EMC7: variants seen among roughly 807,000 people sequenced by gnomAD.
EMC7 encodes the protein endoplasmic reticulum membrane protein complex subunit 7.
Under a neutral mutation model 24.4 loss-of-function variants are expected in EMC7, and 4 were observed. The observed-to-expected ratio is 0.16, with a 90% CI of 0.08 to 0.38. The LOEUF is 0.38. Ranked by LOEUF, EMC7 falls within the 10% of genes least tolerant of loss-of-function variation. The pLI, the probability that EMC7 is intolerant of heterozygous loss-of-function variation, is 1.00. For missense variants in EMC7, 221 were observed against 300.6 expected (o/e 0.74, Z 1.96); for synonymous variants, 106 against 112.0 (o/e 0.95, Z 0.34).
chr15:34,097,968 CA>C (rs34286000), intron 1 of EMC7, among the ~76,000 whole-genome samples: 41 of 125,658 alleles, frequency 3.3e-4, no homozygotes, highest in African/African-American at 5.0e-4. Flanking sequence ...GACTCCGTCT[CA>C]AAAAAAAAAA....
chr15:34,090,576 T>A, intron 2 of EMC7, 121 bp from the exon 3 acceptor site: 1 of 1,113,560 alleles, frequency 9.0e-7, no homozygotes, highest in Non-Finnish European at 1.2e-6. Flanking sequence ...CAAAATGCTT[T>A]AAAACCTAAA....
intron 1 of EMC7, among the ~76,000 whole-genome samples, chr15:34,099,021 T>C (rs904158379): frequency 1.3e-5 from 2 of 152,128 alleles, no homozygotes; most frequent in African/African-American, 4.8e-5. Context: ...AAAAAATATT[T>C]TTGAGAAAAC....
intron 4 of EMC7, among the ~76,000 whole-genome samples, chr15:34,085,124 A>G (rs1205777031): frequency 6.6e-6 from 1 of 152,178 alleles, no homozygotes; most frequent in Non-Finnish European, 1.5e-5. Context: ...CTATATATCA[A>G]GGTATCAGTA....
chr15:34,096,880 G>T (rs1391683212), intron 1 of EMC7, among the ~76,000 whole-genome samples: 2 of 151,378 alleles, frequency 1.3e-5, no homozygotes, highest in African/African-American at 4.8e-5. Flanking sequence ...CCAGCTACTC[G>T]GGAGACTGAG....
At chr15:34,084,679 C>G (rs1414690447) in intron 4 of EMC7, among the ~76,000 whole-genome samples, 193 bp from the exon 5 acceptor site, 2 of 151,860 alleles carry the variant, frequency 1.3e-5, no homozygotes, top group Non-Finnish European at 2.9e-5. Context: ...CTTTATACCA[C>G]TAGACATTTT....
intron 4 of EMC7, among the ~76,000 whole-genome samples, chr15:34,086,890 A>C (rs1178975342): frequency 2.0e-5 from 3 of 152,240 alleles, no homozygotes; most frequent in African/African-American, 7.2e-5. Context: ...GAAATATCAA[A>C]AACCTTTCTT....
At chr15:34,101,539 C>G (rs1473373597) in intron 1 of EMC7, 65 bp downstream of exon 1, 1 of 1,542,576 alleles carries the variant, frequency 6.5e-7, no homozygotes, top group African/African-American at 1.4e-5. Flanking sequence ...ACACTTAACT[C>G]TCCTGGTGGG....
chr15:34,095,988 T>C lies in EMC7; in HGVS notation c.263A>G (p.Asp88Gly). ...LKTDGSFVVH[D>G]IPSGSYVVEV... is the part of the protein sequence containing the mutation. The stretch of plus-strand genomic sequence containing the variant: ...CACTACATAAGATCCAGAAGGTATA[T>C]CATGAACCACAAAACTCCCATCTGT... Residue 88 changes from aspartate to glycine, a missense_variant, in exon 2 of 5, where the codon GAT (aspartate) becomes GGT (glycine). Physicochemically the swap from Asp to Gly is moderately conservative, Grantham distance 94. This residue lies in a region of EMC7 where 156 missense variants were observed against 177.1 expected (regional missense o/e 0.88). Coordinates refer to ENST00000256545, the MANE Select transcript of EMC7 (RefSeq NM_020154.3). 1 of 1,588,914 alleles carries C rather than the reference T, an allele frequency of 6.3e-7. No individual in the cohort carries two copies. The highest frequency in any genetic ancestry group is 8.6e-7 in the Non-Finnish European group (1 of 1,162,582).
chr15:34,097,906 T>C (rs901678328), intron 1 of EMC7, among the ~76,000 whole-genome samples: 2 of 151,454 alleles, frequency 1.3e-5, no homozygotes, highest in African/African-American at 2.4e-5. Flanking sequence ...GAGGCGGAAG[T>C]TGCAATGAGC....
Position 34,095,960 on chromosome 15 carries a change from T to G in EMC7, c.291A>C (p.Glu97Asp), listed in dbSNP as rs1266791664. ...HDIPSGSYVVEVVSPAYRFDP... is the reference protein window; with the variant it reads ...HDIPSGSYVVDVVSPAYRFDP... ...CAAATCTGTAAGCTGGAGATACAAC[T>G]TCCACTACATAAGATCCAGAAGGTA... The change falls in exon 2 of 5, where the codon GAA becomes GAC. Residue 97 changes from glutamate to aspartate, a missense_variant. Coordinates refer to ENST00000256545, the MANE Select transcript of EMC7 (RefSeq NM_020154.3). 2 of 1,610,902 alleles carry G rather than the reference T, an allele frequency of 1.2e-6. No homozygotes were observed. The highest frequency in any genetic ancestry group is 2.2e-5 in the East Asian group (1 of 44,844).
intron 2 of EMC7, among the ~76,000 whole-genome samples, chr15:34,093,823 A>ATATATATATATT (rs1190830993): frequency 7.2e-4 from 35 of 48,696 alleles, no homozygotes; most frequent in Non-Finnish European, 9.0e-4. Context: ...ATATATATAT[A>ATATATATATATT]TTTTTTTTTT....
At chr15:34,093,823 A>ATATATATATATTTTTTTT (rs1190830993) in intron 2 of EMC7, among the ~76,000 whole-genome samples, 4 of 48,698 alleles carry the variant, frequency 8.2e-5, no homozygotes, top group African/African-American at 2.2e-4. Flanking sequence ...ATATATATAT[A>ATATATATATATTTTTTTT]TTTTTTTTTT....
intron 3 of EMC7, 76 bp from the exon 4 acceptor site, chr15:34,088,209 C>A: frequency 8.2e-7 from 1 of 1,226,200 alleles, no homozygotes; most frequent in Non-Finnish European, 1.2e-6. Context: ...ACTTAACAAC[C>A]AATGGTAAAA....
intron 2 of EMC7, among the ~76,000 whole-genome samples, chr15:34,090,977 T>C (rs2140868782): frequency 6.6e-6 from 1 of 152,352 alleles, no homozygotes; most frequent in Non-Finnish European, 1.5e-5. Flanking sequence ...AAAGACGCAC[T>C]AATTTTAATC....
intron 1 of EMC7, among the ~76,000 whole-genome samples, chr15:34,098,757 C>T (rs1262671004): frequency 6.6e-6 from 1 of 151,596 alleles, no homozygotes; most frequent in African/African-American, 2.4e-5. Context: ...GTATGAGCCA[C>T]CGTACCCAGC....
In EMC7 at chr15:34,090,824, A is replaced by G. The variant is rs7183277; in HGVS notation, c.357-369T>C. Among the ~76,000 whole-genome samples the G allele has an allele frequency of 5.1e-4, 78 of 152,372 alleles. 1 individual carries two copies. The highest frequency in any genetic ancestry group is 1.8e-3 in the African/African-American group (75 of 41,584). ...TAATGAATTTACTTCATTATACCAT[A>G]CAAAAATACTGGATTTTATTTTTTT... On this transcript the variant is annotated intron_variant, in intron 2 of 4. Coordinates refer to ENST00000256545, the MANE Select transcript of EMC7 (RefSeq NM_020154.3).
Position 34,084,414 on chromosome 15 carries a change from G to C in EMC7, c.649C>G (p.Leu217Val). ...TTGCCAGATGATTTTGAAGAGAAGA[G>C]TCTTGTCATGAACTCAGAAACATCA... ...LPDVSEFMTR[L>V]FSSKSSGKSS... The change falls in exon 5 of 5, where the codon CTC becomes GTC. Residue 217 changes from leucine (L) to valine (V), a missense_variant. Physicochemically the swap from Leu to Val is conservative, Grantham distance 32. Coordinates refer to ENST00000256545, the MANE Select transcript of EMC7 (RefSeq NM_020154.3). 1 of 1,613,804 alleles carries C rather than the reference G, an allele frequency of 6.2e-7. No individual in the cohort carries two copies. Among genetic ancestry groups the C allele is most frequent in the Non-Finnish European group, 8.5e-7 (1 of 1,179,786 alleles).
chr15:34,092,999 C>A (rs2140869710), intron 2 of EMC7, among the ~76,000 whole-genome samples: 1 of 152,308 alleles, frequency 6.6e-6, no homozygotes, highest in Admixed American at 6.5e-5. Flanking sequence ...TCACCTAATA[C>A]AAAGCCCACT....
At chr15:34,092,541 G>A (rs1397850034) in intron 2 of EMC7, among the ~76,000 whole-genome samples, 1 of 151,820 alleles carries the variant, frequency 6.6e-6, no homozygotes, top group African/African-American at 2.4e-5. Context: ...TAGAGATGGG[G>A]TTCATCATGT....
Sources: allele counts gnomAD v4.1 joint callset (sites outside exome capture counted in the v4.1 genomes callset), GRCh38; gene constraint gnomAD v4.1.1; regional missense constraint gnomAD v4.1.1; transcripts MANE v1.5; gene names NCBI Gene and HGNC (gene_info 2026-07-23, HGNC 2026-07-21).